Variants in SYBU observed in about 807,000 individuals in gnomAD.
SYBU encodes the protein GOLSYN A protein.
A neutral mutation model predicts 35.9 loss-of-function variants in SYBU; 21 were observed. The ratio of observed to expected loss-of-function variants is 0.58; its 90% CI spans 0.41 to 0.84. The LOEUF is 0.84. SYBU is among the 40% of genes least tolerant of loss of function. The probability of loss-of-function intolerance (pLI) is 0.00; values close to 1 mark genes in which losing one functional copy is unlikely to be tolerated. For synonymous variants in SYBU, 319 were observed against 324.3 expected, an observed-to-expected ratio of 0.98 and a Z score of 0.18; for missense variants, 768 against 848.2, an observed-to-expected ratio of 0.91 and a Z score of 1.17.
upstream of SYBU, chr8:109,645,195 C>A (rs1815518600): frequency 2.2e-6 from 1 of 456,738 alleles, no homozygotes; most frequent in Non-Finnish European, 4.4e-6. Context: ...AGAAAGTTTT[C>A]CCCTGGCCAC....
At chr8:109,593,282 G>A (rs1007993660) in intron 3 of SYBU, among the ~76,000 whole-genome samples, 17 of 152,200 alleles carry the variant, frequency 1.1e-4, no homozygotes, top group Non-Finnish European at 2.9e-5. Context: ...TCAGTGCGAT[G>A]TGAACAATGA....
chr8:109,653,459 A>G (rs1339835091), intron 1 of SYBU, among the ~76,000 whole-genome samples: 1 of 152,108 alleles, frequency 6.6e-6, no homozygotes, highest in African/African-American at 2.4e-5. Context: ...TGGTGGATTC[A>G]ATGCCAAGAC....
At chr8:109,643,147 G>GCACACACACACA in intron 1 of SYBU, 2 of 1,141,528 alleles carry the variant, frequency 1.8e-6, no homozygotes. Flanking sequence ...TGTCTGTGTG[G>GCACACACACACA]CACACACACA....
intron 1 of SYBU, among the ~76,000 whole-genome samples, chr8:109,660,093 G>A (rs1365095756): frequency 1.3e-5 from 2 of 152,036 alleles, no homozygotes; most frequent in Non-Finnish European, 2.9e-5. Flanking sequence ...ATTTTAATAG[G>A]AAATATCTAG....
chr8:109,585,981 G>A, intron 4 of SYBU, 79 bp downstream of exon 4: 2 of 883,172 alleles, frequency 2.3e-6, no homozygotes, highest in South Asian at 3.1e-5. Flanking sequence ...CAGTAATCCG[G>A]GTGGTTCTAC....
chr8:109,668,640 T>C (rs1431155594), intron 1 of SYBU, among the ~76,000 whole-genome samples: 1 of 152,172 alleles, frequency 6.6e-6, no homozygotes, highest in African/African-American at 2.4e-5. Context: ...GAAAACATAT[T>C]ATTCATGGTA....
intron 3 of SYBU, among the ~76,000 whole-genome samples, chr8:109,615,029 A>C (rs1811585463): frequency 6.6e-6 from 1 of 152,174 alleles, no homozygotes; most frequent in African/African-American, 2.4e-5. Flanking sequence ...TCTGCATCAT[A>C]CACTCAGGGA....
chr8:109,577,770 A>G (rs1822514876), intron 6 of SYBU, 98 bp downstream of exon 6: 2 of 1,326,560 alleles, frequency 1.5e-6, no homozygotes, highest in East Asian at 5.0e-5. Flanking sequence ...GAATACAATC[A>G]TTTTTTCTTT....
chr8:109,585,979 C>G (rs987980297), intron 4 of SYBU, 81 bp downstream of exon 4: 1 of 860,086 alleles, frequency 1.2e-6, no homozygotes, highest in Non-Finnish European at 1.8e-6. Flanking sequence ...GACAGTAATC[C>G]GGGTGGTTCT....
intron 1 of SYBU, among the ~76,000 whole-genome samples, chr8:109,679,625 AG>A (rs1214808599): frequency 1.3e-5 from 2 of 152,344 alleles, no homozygotes; most frequent in African/African-American, 4.8e-5. Flanking sequence ...TTGGGACATC[AG>A]GTAGGTGTGA....
intron 3 of SYBU, among the ~76,000 whole-genome samples, chr8:109,590,534 C>A (rs1824100194): frequency 1.3e-5 from 2 of 151,348 alleles, no homozygotes. Context: ...GACGGAGCTG[C>A]CATATACTTA....
intron 1 of SYBU, among the ~76,000 whole-genome samples, chr8:109,662,047 A>T (rs377496912): frequency 1.3e-4 from 20 of 152,280 alleles, no homozygotes; most frequent in African/African-American, 4.1e-4. Flanking sequence ...TGTCATTTTT[A>T]AAATTCTCCC....
intron 2 of SYBU, among the ~76,000 whole-genome samples, chr8:109,639,326 C>T (rs548167032): frequency 1.3e-4 from 20 of 152,208 alleles, no homozygotes; most frequent in African/African-American, 4.6e-4. Context: ...TTATGAAGCT[C>T]ATTACATTAT....
At chr8:109,635,603 C>T (rs749216772) in intron 2 of SYBU, among the ~76,000 whole-genome samples, 3 of 152,192 alleles carry the variant, frequency 2.0e-5, no homozygotes, top group Non-Finnish European at 2.9e-5. Context: ...CCCAATCCTG[C>T]TATTCCATAT....
At chr8:109,629,342 C>T (rs564686671) in intron 2 of SYBU, among the ~76,000 whole-genome samples, 4 of 152,364 alleles carry the variant, frequency 2.6e-5, no homozygotes, top group Admixed American at 6.5e-5. Context: ...CTTCACTTCA[C>T]TTCTAAACAC....
Position 109,642,912 on chromosome 8 carries a change from A to G in SYBU, c.45T>C (p.His15=). 6.4e-7 allele frequency: 1 copy of G among 1,553,330 alleles called. No homozygotes were observed. The highest frequency in any genetic ancestry group is 8.7e-7 in the Non-Finnish European group (1 of 1,147,452). The change falls in exon 2 of 7, where the codon CAT becomes CAC. Residue 15 remains histidine, a synonymous_variant. Transcript: ENST00000276646. ...GGCTTCGAGAAATCTCCTTGTCATG[A>G]TGCTGCACTCTGTGCTCCTTCTCAA... ...RESKKEHRVQ[H]HDKEISRSRI... is the part of the protein sequence containing the mutation.
chr8:109,655,638 A>G (rs1011811278), intron 1 of SYBU, among the ~76,000 whole-genome samples: 4 of 152,212 alleles, frequency 2.6e-5, no homozygotes, highest in Non-Finnish European at 5.9e-5. Context: ...ATTCCTTGTT[A>G]TAGTTTTTCC....
intron 1 of SYBU, among the ~76,000 whole-genome samples, chr8:109,676,921 T>C (rs143698775): frequency 6.6e-6 from 1 of 152,312 alleles, no homozygotes; most frequent in African/African-American, 2.4e-5. Context: ...GATCAACATT[T>C]ATGTTGGTTA....
intron 1 of SYBU, among the ~76,000 whole-genome samples, chr8:109,651,161 T>C (rs1215043098): frequency 2.6e-5 from 4 of 152,222 alleles, no homozygotes; most frequent in Non-Finnish European, 5.9e-5. Flanking sequence ...CCTAGATATC[T>C]GGTCCTGGTG....
Sources: gnomAD v4.1 joint callset for allele counts (sites outside exome capture counted in the v4.1 genomes callset) on GRCh38, gnomAD v4.1.1 for gene constraint, MANE v1.5 for transcripts, NCBI Gene and HGNC (gene_info 2026-07-23, HGNC 2026-07-21) for gene names.